The following ADARB1 variants were observed in gnomAD, a reference collection of about 807,000 sequenced individuals.
The protein encoded by ADARB1 is double-stranded RNA-specific editase 1.
In ADARB1, 10 loss-of-function variants were observed where a neutral mutation model predicts 52.4. The observed-to-expected ratio is 0.19, with a 90% CI of 0.12 to 0.32. ADARB1 has a LOEUF of 0.32. ADARB1 is among the 10% of genes least tolerant of loss of function. ADARB1 has a pLI of 1.00. For missense variants in ADARB1, 643 were observed against 922.3 expected (o/e 0.70, Z 3.92); for synonymous variants, 349 against 371.1 (o/e 0.94, Z 0.68).
chr21:45,123,289 G>GTGTT (rs1412414731), intron 1 of ADARB1, among the ~76,000 whole-genome samples: 2 of 150,950 alleles, frequency 1.3e-5, no homozygotes. Context: ...GTGTGTGTGT[G>GTGTT]TGTGTATAAT....
At chr21:45,214,767 A>G (rs911909269) in intron 9 of ADARB1, among the ~76,000 whole-genome samples, 4 of 152,212 alleles carry the variant, frequency 2.6e-5, no homozygotes, top group Admixed American at 1.3e-4. Flanking sequence ...TTACATTGTC[A>G]TGATTACTAT....
In ADARB1 at chr21:45,220,806, C is replaced by T; in HGVS notation, c.1748-30C>T. On this transcript the variant is annotated intron_variant, in intron 9 of 10. Transcript: ENST00000348831. The surrounding 1 kb of genome is among the most constrained non-coding windows in gnomAD (Gnocchi z 6.3). ...CCTCCCTGGGGGTGAAAGCGGGCTT[C>T]ACACCACCTTCCTGTGTCTTCCGTT... is the stretch of plus-strand genomic sequence containing the variant. 1 of 1,604,984 alleles carries T rather than the reference C, an allele frequency of 6.2e-7. No individual in the cohort carries two copies. The highest frequency in any genetic ancestry group is 2.2e-5 in the East Asian group (1 of 44,622).
Position 45,120,186 on chromosome 21 carries a change from A to G in ADARB1, c.-219-8216A>G, listed in dbSNP as rs762791979. ...TATGAAATTTTGTTGGTGAAGTGCC[A>G]AAGAAAGGATTGGGTTTTGGGTCAT... is the stretch of plus-strand genomic sequence containing the variant. On this transcript the variant is annotated intron_variant, in intron 1 of 10. Coordinates refer to ENST00000348831, the MANE Select transcript of ADARB1 (RefSeq NM_001112.4). 4.4e-4 allele frequency among the ~76,000 whole-genome samples: 67 copies of G among 152,248 alleles called. 1 individual carries two copies. Among genetic ancestry groups the G allele is most frequent in the Admixed American group, 1.0e-3 (16 of 15,278 alleles).
intron 2 of ADARB1, among the ~76,000 whole-genome samples, chr21:45,164,718 G>A (rs886201055): frequency 1.3e-5 from 2 of 152,152 alleles, no homozygotes; most frequent in Admixed American, 1.3e-4. Flanking sequence ...GTTAGAGCAC[G>A]TTTTTTATTT....
At chr21:45,106,969 T>A (rs970520464) in intron 1 of ADARB1, among the ~76,000 whole-genome samples, 2 of 152,150 alleles carry the variant, frequency 1.3e-5, no homozygotes, top group African/African-American at 4.8e-5. Flanking sequence ...AGGCATACCA[T>A]GTGGAAAAGA....
At position 45,175,860 on chromosome 21, in the gene ADARB1, G is replaced by T. The variant is rs777322692; in HGVS notation, c.159G>T (p.Arg53=). The T allele has an allele frequency of 6.2e-7, 1 of 1,613,792 alleles. No homozygotes were observed. Among genetic ancestry groups the T allele is most frequent in the Non-Finnish European group, 8.5e-7 (1 of 1,179,896 alleles). Residue 53 remains arginine (R), a synonymous_variant, in exon 4 of 11, where the codon CGG becomes CGT. Transcript: ENST00000348831. ...GTGGTGGTGGCCCCGGCAGAAAGCG[G>T]CCCCTGGAGGAGGGCAGCAATGGCC... ...NGGGGGPGRK[R]PLEEGSNGHS...
In ADARB1 at chr21:45,225,665, C is replaced by T; in HGVS notation, c.*3468C>T. The T allele has an allele frequency of 9.9e-7, 1 of 1,007,982 alleles. No individual in the cohort carries two copies. The highest frequency in any genetic ancestry group is 1.3e-6 in the Non-Finnish European group (1 of 747,122). The allele number at this position is 1,007,982 out of a possible 1,614,324, so 62.4% of individuals were successfully genotyped here. On this transcript the variant is annotated 3_prime_UTR_variant, in exon 11 of 11. Coordinates refer to ENST00000348831, the MANE Select transcript of ADARB1 (RefSeq NM_001112.4). ...CCATGTCTCAAAACAAACACATGTA[C>T]AGTGGCTCTTTTTCCTTCTCAAACA...
intron 4 of ADARB1, among the ~76,000 whole-genome samples, chr21:45,180,035 G>A (rs950757117): frequency 1.3e-5 from 2 of 152,252 alleles, no homozygotes; most frequent in African/African-American, 4.8e-5. Flanking sequence ...GGGCCGGGCT[G>A]GCCTGCGGTG....
chr21:45,217,752 A>T (rs1297471180), intron 9 of ADARB1, among the ~76,000 whole-genome samples: 1 of 152,076 alleles, frequency 6.6e-6, no homozygotes, highest in Non-Finnish European at 1.5e-5. Flanking sequence ...AAGTCTTCTG[A>T]TGATGAATTA....
In ADARB1 at chr21:45,220,873, C is replaced by G. The variant is rs956041295; in HGVS notation, c.1785C>G (p.Ala595=). 6.2e-7 allele frequency: 1 copy of G among 1,613,324 alleles called. No homozygotes were observed. The highest frequency in any genetic ancestry group is 1.3e-5 in the African/African-American group (1 of 74,924). The change falls in exon 10 of 11, where the codon GCC becomes GCG. Residue 595 remains alanine, a synonymous_variant. Transcript: ENST00000348831. The surrounding 1 kb of genome is among the most constrained non-coding windows in gnomAD (Gnocchi z 6.3). ...CAGAAGCACGGCAGCCAGGGAAGGC[C>G]CCCAACTTCAGTGTCAACTGGACGG... ...SNAEARQPGK[A]PNFSVNWTVG... is the part of the protein sequence containing the mutation.
intron 5 of ADARB1, among the ~76,000 whole-genome samples, chr21:45,181,899 C>T (rs1018193830): frequency 1.3e-5 from 2 of 152,248 alleles, no homozygotes; most frequent in African/African-American, 2.4e-5. Context: ...ATTTACCTAA[C>T]AGACCTGGTG....
intron 2 of ADARB1, among the ~76,000 whole-genome samples, chr21:45,151,081 T>C (rs535367971): frequency 3.4e-4 from 51 of 152,064 alleles, no homozygotes; most frequent in Non-Finnish European, 1.0e-4. Flanking sequence ...TAGGGTGGGG[T>C]CACTTGAAGT....
In ADARB1 at chr21:45,184,976, A is replaced by G. The variant is rs1426118091; in HGVS notation, c.1450A>G (p.Ile484Val). The G allele has an allele frequency of 6.2e-7, 1 of 1,614,094 alleles. No individual in the cohort carries two copies. Among genetic ancestry groups the G allele is most frequent in the Non-Finnish European group, 8.5e-7 (1 of 1,180,016 alleles). Reference protein sequence around the residue: ...RKARGQLRTKIESGEGTIPVR... With the variant: ...RKARGQLRTKVESGEGTIPVR... The stretch of plus-strand genomic sequence containing the variant: ...AGCAAGAGGACAGCTACGGACCAAA[A>G]TAGAGTCTGGTGAGGGGACGATTCC... Residue 484 changes from isoleucine to valine, a missense_variant, in exon 8 of 11, where the codon ATA becomes GTA. Ile to Val is a conservative substitution (Grantham distance 29). Around this residue, in one of 2 missense-constraint regions of ADARB1, gnomAD observed 263 missense variants for 475.8 expected, o/e 0.55. Transcript: ENST00000348831.
intron 1 of ADARB1, among the ~76,000 whole-genome samples, chr21:45,113,907 A>AATAT (rs1336279948): frequency 1.3e-5 from 2 of 152,248 alleles, no homozygotes; most frequent in East Asian, 3.9e-4. Context: ...GTCTGCTGTT[A>AATAT]TGAATAGCAC....
At chr21:45,187,699 G>A (rs1049708803) in intron 8 of ADARB1, among the ~76,000 whole-genome samples, 1 of 152,042 alleles carries the variant, frequency 6.6e-6, no homozygotes, top group Non-Finnish European at 1.5e-5. Context: ...TTCCTAGTTT[G>A]TTGAATGTAT....
At position 45,105,079 on chromosome 21, in the gene ADARB1, GTTGTTTTGTTTTGTT is replaced by G. The variant is rs147012547; in HGVS notation, c.-219-23300_-219-23286del. On this transcript the variant is annotated intron_variant, in intron 1 of 10. Coordinates refer to ENST00000348831, the MANE Select transcript of ADARB1 (RefSeq NM_001112.4). The stretch of plus-strand genomic sequence containing the variant: ...GCTTAGCATGCATCGTTGCTGCTTC[GTTGTTTTGTTTTGTT>G]TTGTTTTGTTTTGTTTTGTTTTTTT... Among the ~76,000 whole-genome samples, 1,057 of 150,214 alleles carry G rather than the reference GTTGTTTTGTTTTGTT, an allele frequency of 7.0e-3. 8 individuals carry two copies. Among genetic ancestry groups the G allele is most frequent in the Non-Finnish European group, 0.011 (777 of 67,704 alleles).
chr21:45,155,258 G>A (rs116634869), intron 2 of ADARB1, among the ~76,000 whole-genome samples: 1 of 152,222 alleles, frequency 6.6e-6, no homozygotes, highest in Non-Finnish European at 1.5e-5. Context: ...AACGTAGAGA[G>A]GCCTGCTCCC....
intron 2 of ADARB1, among the ~76,000 whole-genome samples, chr21:45,161,972 C>T (rs1287312823): frequency 6.6e-6 from 1 of 152,194 alleles, no homozygotes; most frequent in Admixed American, 6.5e-5. Context: ...TGCTCACCTT[C>T]CACTTGTCCA....
intron 3 of ADARB1, 130 bp from the exon 4 acceptor site, chr21:45,175,600 A>T (rs2091660273): frequency 2.2e-6 from 2 of 927,668 alleles, no homozygotes; most frequent in South Asian, 1.6e-5. Context: ...TCATGTATAC[A>T]TCAAGGAATA....
Sources: gnomAD v4.1 joint callset for allele counts (sites outside exome capture counted in the v4.1 genomes callset) on GRCh38, gnomAD v4.1.1 for gene constraint, gnomAD v4.1.1 regional missense constraint, Gnocchi (gnomAD v3.1) non-coding constraint, MANE v1.5 for transcripts, NCBI Gene and HGNC (gene_info 2026-07-23, HGNC 2026-07-21) for gene names.